IQCJ: variants seen among roughly 807,000 people sequenced by gnomAD.
IQCJ encodes IQ domain-containing protein J.
A neutral mutation model predicts 11.0 loss-of-function variants in IQCJ; 9 were observed. The observed-to-expected ratio is 0.82, with a 90% CI of 0.49 to 1.43. The LOEUF is 1.43. IQCJ is among the 40% of genes most tolerant of loss of function. The pLI is 0.00. For synonymous variants in IQCJ, 55 were observed against 51.3 expected (o/e 1.07, Z -0.31); for missense variants, 146 against 133.2 (o/e 1.10, Z -0.47).
intron 1 of IQCJ, among the ~76,000 whole-genome samples, chr3:159,172,358 A>G (rs1166025126): frequency 1.3e-5 from 2 of 152,192 alleles, no homozygotes; most frequent in Non-Finnish European, 2.9e-5. Context: ...GAAAAAGTAT[A>G]CATAGAAAAA....
At chr3:159,088,420 AG>A (rs1397082855) in intron 1 of IQCJ, among the ~76,000 whole-genome samples, 3 of 152,276 alleles carry the variant, frequency 2.0e-5, no homozygotes, top group African/African-American at 7.2e-5. Context: ...AGAGTTCTGT[AG>A]ATGTCTATTA....
chr3:159,239,815 C>T (rs1470442234), intron 1 of IQCJ, among the ~76,000 whole-genome samples: 4 of 152,086 alleles, frequency 2.6e-5, no homozygotes, highest in Non-Finnish European at 5.9e-5. Context: ...CAAATATTTA[C>T]CATTGTGTTA....
chr3:159,134,722 G>A (rs543533849), intron 1 of IQCJ, among the ~76,000 whole-genome samples: 1 of 152,228 alleles, frequency 6.6e-6, no homozygotes, highest in South Asian at 2.1e-4. Context: ...CAGAAGACCA[G>A]CCCCACTTCC....
At chr3:159,235,314 A>G (rs1221201672) in intron 1 of IQCJ, among the ~76,000 whole-genome samples, 3 of 152,192 alleles carry the variant, frequency 2.0e-5, no homozygotes, top group Non-Finnish European at 2.9e-5. Context: ...TAGTGTTTCA[A>G]TTTCTTGTAT....
At chr3:159,166,094 C>T (rs1031754908) in intron 1 of IQCJ, among the ~76,000 whole-genome samples, 1 of 151,818 alleles carries the variant, frequency 6.6e-6, no homozygotes, top group South Asian at 2.1e-4. Flanking sequence ...GAAATCCTAA[C>T]AGATTCATGC....
At chr3:159,102,224 C>G (rs1039502901) in intron 1 of IQCJ, among the ~76,000 whole-genome samples, 2 of 152,182 alleles carry the variant, frequency 1.3e-5, no homozygotes, top group Non-Finnish European at 2.9e-5. Context: ...AAGCAGAAAT[C>G]TTCTCTCTTC....
chr3:159,191,039 G>A (rs2365482), intron 1 of IQCJ, among the ~76,000 whole-genome samples: 33,754 of 152,084 alleles, frequency 0.22, 4,573 homozygotes, highest in South Asian at 0.38. Context: ...TGACTTTACT[G>A]CCCCCAGGAA....
At chr3:159,172,881 A>G (rs1722567290) in intron 1 of IQCJ, among the ~76,000 whole-genome samples, 1 of 152,202 alleles carries the variant, frequency 6.6e-6, no homozygotes. Context: ...AAGGATTTAT[A>G]AGAAACTCCA....
intron 1 of IQCJ, among the ~76,000 whole-genome samples, chr3:159,147,812 C>T (rs1238638214): frequency 2.0e-5 from 3 of 152,214 alleles, no homozygotes; most frequent in Non-Finnish European, 4.4e-5. Flanking sequence ...CTGAATCTCT[C>T]TTTGAAACTT....
intron 1 of IQCJ, among the ~76,000 whole-genome samples, chr3:159,088,666 T>C (rs1265619667): frequency 6.6e-6 from 1 of 152,192 alleles, no homozygotes; most frequent in Non-Finnish European, 1.5e-5. Context: ...CCCTTTACCA[T>C]TATGTAATGG....
chr3:159,105,675 T>A (rs1309841180), intron 1 of IQCJ, among the ~76,000 whole-genome samples: 1 of 152,002 alleles, frequency 6.6e-6, no homozygotes, highest in African/African-American at 2.4e-5. Flanking sequence ...GCAAGAGTGA[T>A]CCAGAGAAAA....
intron 1 of IQCJ, among the ~76,000 whole-genome samples, chr3:159,161,113 T>G (rs951941407): frequency 4.5e-4 from 68 of 152,198 alleles, no homozygotes; most frequent in African/African-American, 1.5e-3. Flanking sequence ...CCACATCCAC[T>G]TCCACAATAG....
At chr3:159,079,038 C>A (rs1377014235) in intron 1 of IQCJ, among the ~76,000 whole-genome samples, 1 of 152,074 alleles carries the variant, frequency 6.6e-6, no homozygotes, top group Non-Finnish European at 1.5e-5. Flanking sequence ...GAGGCCAGAA[C>A]TTTTGTCTAC....
At chr3:159,244,684 A>G (rs1207359402) in intron 1 of IQCJ, among the ~76,000 whole-genome samples, 1 of 152,120 alleles carries the variant, frequency 6.6e-6, no homozygotes, top group South Asian at 2.1e-4. Context: ...GGTTGGAAGG[A>G]TTGGGGAGAA....
intron 1 of IQCJ, among the ~76,000 whole-genome samples, chr3:159,225,159 G>A (rs1725780746): frequency 6.6e-6 from 1 of 152,114 alleles, no homozygotes; most frequent in Admixed American, 6.5e-5. Flanking sequence ...TTCTTCAATG[G>A]TTGAATGATC....
At chr3:159,153,645 C>T (rs981968767) in intron 1 of IQCJ, among the ~76,000 whole-genome samples, 1 of 152,198 alleles carries the variant, frequency 6.6e-6, no homozygotes, top group Admixed American at 6.5e-5. Flanking sequence ...AGGCCAACTG[C>T]TGATTTTCAT....
At position 159,262,708 on chromosome 3, in the gene IQCJ, T is replaced by A. The variant is rs758785677; in HGVS notation, c.316T>A (p.Cys106Ser). ...CGTGAGTGTCATGTTTCTTTTTCTATGTCCTGACTTGACATTCAACTGAAA... is the reference window on the plus strand; with the variant it reads ...CGTGAGTGTCATGTTTCTTTTTCTAAGTCCTGACTTGACATTCAACTGAAA... Reference protein sequence around the residue: ...TPVSVMFLFLCPDLTFN With the variant: ...TPVSVMFLFLSPDLTFN The change falls in exon 4 of 4, where the codon TGT becomes AGT. Residue 106 changes from cysteine to serine, a missense_variant. By Grantham distance (112) the Cys-to-Ser change is moderately radical. Transcript: ENST00000397832. 9.3e-6 allele frequency: 15 copies of A among 1,613,586 alleles called. No individual in the cohort carries two copies. The highest frequency in any genetic ancestry group is 1.3e-5 in the Non-Finnish European group (15 of 1,179,674).
intron 1 of IQCJ, among the ~76,000 whole-genome samples, chr3:159,128,535 G>A (rs750074853): frequency 1.5e-4 from 23 of 152,080 alleles, no homozygotes; most frequent in Admixed American, 3.9e-4. Context: ...CAATCTTGGC[G>A]TCTCATCCAC....
At chr3:159,201,796 T>A (rs1424013907) in intron 1 of IQCJ, among the ~76,000 whole-genome samples, 2 of 152,128 alleles carry the variant, frequency 1.3e-5, no homozygotes, top group Non-Finnish European at 2.9e-5. Flanking sequence ...CTGCTTTTTT[T>A]ATTGTGGATT....
Sources: allele counts gnomAD v4.1 joint callset (sites outside exome capture counted in the v4.1 genomes callset), GRCh38; gene constraint gnomAD v4.1.1; transcripts MANE v1.5; gene names NCBI Gene and HGNC (gene_info 2026-07-23, HGNC 2026-07-21).